The following MYO7B variants were observed in gnomAD, a reference collection of about 807,000 sequenced individuals.
MYO7B encodes unconventional myosin-VIIb.
MYO7B carries 212 observed loss-of-function variants against 259.7 expected under a neutral mutation model. That is an observed-to-expected ratio of 0.82 (90% CI 0.73 to 0.91). The LOEUF is 0.91. MYO7B is among the 40% of genes least tolerant of loss of function. The probability of loss-of-function intolerance (pLI) is 0.00; values close to 1 mark genes in which losing one functional copy is unlikely to be tolerated. For missense variants in MYO7B, 2,732 were observed against 2,813.5 expected, an observed-to-expected ratio of 0.97 and a Z score of 0.66; for synonymous variants, 1,197 against 1,166.4, an observed-to-expected ratio of 1.03 and a Z score of -0.54.
intron 19 of MYO7B, among the ~76,000 whole-genome samples, chr2:127,605,261 G>T (rs986938076): frequency 6.6e-6 from 1 of 152,152 alleles, no homozygotes; most frequent in Non-Finnish European, 1.5e-5. Flanking sequence ...TAGCTCTTTG[G>T]GGGTAGAGGG....
intron 16 of MYO7B, 113 bp from the exon 17 acceptor site, chr2:127,592,681 G>T (rs573318539): frequency 7.9e-6 from 11 of 1,397,426 alleles, no homozygotes; most frequent in Non-Finnish European, 1.1e-5. Context: ...GGGGCGGGGG[G>T]CTGGACACAC....
rs13422424 is a variant in MYO7B at position 127,624,233 on chromosome 2, C to T, written c.3960C>T (p.His1320=). The T allele has an allele frequency of 0.17, 271,859 of 1,595,164 alleles. 24,143 individuals carry two copies. Among genetic ancestry groups the T allele is most frequent in the Middle Eastern group, 0.27 (1,610 of 6,048 alleles). ...YFRKEFFTPW[H]DSREDPVSTE... is the part of the protein sequence containing the mutation. ...GGAAGGAATTCTTCACCCCCTGGCA[C>T]GACTCCCGGGAGGACCCTGTCAGCA... Residue 1320 remains histidine, a synonymous_variant, in exon 30 of 48, where the codon CAC becomes CAT. Transcript: ENST00000409816.
intron 1 of MYO7B, among the ~76,000 whole-genome samples, chr2:127,542,085 C>T (rs13399231): frequency 0.15 from 22,767 of 152,286 alleles, 2,939 homozygotes; most frequent in African/African-American, 0.34. Context: ...TCCAGGAGCA[C>T]TGCATCTCTA....
chr2:127,606,050 C>T, intron 20 of MYO7B, 122 bp downstream of exon 20: 2 of 754,902 alleles, frequency 2.6e-6, no homozygotes, highest in Non-Finnish European at 4.4e-6. Flanking sequence ...TCAAATCATT[C>T]ACAGACGTGG....
chr2:127,570,278 G>A (rs918345517), intron 6 of MYO7B, among the ~76,000 whole-genome samples: 1 of 152,198 alleles, frequency 6.6e-6, no homozygotes, highest in African/African-American at 2.4e-5. Context: ...GGTTTATTGA[G>A]GGGTAAACCT....
intron 1 of MYO7B, among the ~76,000 whole-genome samples, chr2:127,536,661 C>T (rs1051155820): frequency 6.6e-6 from 1 of 152,180 alleles, no homozygotes; most frequent in Non-Finnish European, 1.5e-5. Flanking sequence ...ACCCAGATCC[C>T]CCAAATTCTC....
chr2:127,629,853 G>C, intron 35 of MYO7B, 27 bp downstream of exon 35: 3 of 1,526,992 alleles, frequency 2.0e-6, no homozygotes, highest in Non-Finnish European at 2.6e-6. Context: ...CCTGTCCTCA[G>C]CCTGGGTACC....
At chr2:127,567,782 TC>T (rs1461614084) in intron 5 of MYO7B, among the ~76,000 whole-genome samples, 1 of 152,162 alleles carries the variant, frequency 6.6e-6, no homozygotes, top group East Asian at 1.9e-4. Context: ...CAGAATCCCT[TC>T]CTCAGGGAGC....
At chr2:127,536,822 C>G (rs1692799123) in intron 1 of MYO7B, among the ~76,000 whole-genome samples, 1 of 152,196 alleles carries the variant, frequency 6.6e-6, no homozygotes, top group African/African-American at 2.4e-5. Context: ...CTCAGCTCAT[C>G]AGCCCACCCC....
Position 127,597,726 on chromosome 2 carries a change from C to T in MYO7B, c.2339+1170C>T, listed in dbSNP as rs1049302407. ...CTTGGCTCACTGCAACCTCTGCTTTCCGGGCTCAAGCTATCCTCCCACCTC... is the reference window on the plus strand; with the variant it reads ...CTTGGCTCACTGCAACCTCTGCTTTTCGGGCTCAAGCTATCCTCCCACCTC... On this transcript the variant is annotated intron_variant, in intron 19 of 47. Transcript: ENST00000409816. The surrounding 1 kb of genome is among the most constrained non-coding windows in gnomAD (Gnocchi z 4.8). Among the ~76,000 whole-genome samples the T allele has an allele frequency of 2.6e-5, 4 of 152,008 alleles. No individual in the cohort carries two copies. Among genetic ancestry groups the T allele is most frequent in the Non-Finnish European group, 5.9e-5 (4 of 68,010 alleles).
intron 31 of MYO7B, 138 bp downstream of exon 31, chr2:127,625,673 TAAG>T (rs1466688856): frequency 1.3e-5 from 13 of 986,260 alleles, no homozygotes; most frequent in Non-Finnish European, 1.8e-5. Flanking sequence ...GCTTGACAGT[TAAG>T]TAGAGCCCTG....
In MYO7B at chr2:127,573,954, C is replaced by T. The variant is rs1207442908; in HGVS notation, c.627C>T (p.Asn209=). The T allele has an allele frequency of 6.2e-7, 1 of 1,614,080 alleles. No homozygotes were observed. Among genetic ancestry groups the T allele is most frequent in the Non-Finnish European group, 8.5e-7 (1 of 1,179,900 alleles). The change falls in exon 7 of 48, where the codon AAC becomes AAT. Residue 209 remains asparagine, a synonymous_variant. Transcript: ENST00000409816. ...ATGCCAAGACAATCCGCAACGACAACTCAAGCCGCTTTGGGAAGTACATTG... is the reference window on the plus strand; with the variant it reads ...ATGCCAAGACAATCCGCAACGACAATTCAAGCCGCTTTGGGAAGTACATTG... ...FGNAKTIRND[N]SSRFGKYIDI...
chr2:127,541,894 G>A (rs776697026), intron 1 of MYO7B, among the ~76,000 whole-genome samples: 8 of 152,240 alleles, frequency 5.3e-5, no homozygotes, highest in Admixed American at 2.6e-4. Context: ...CTGCCTTGCC[G>A]TCGCTGACTG....
intron 19 of MYO7B, among the ~76,000 whole-genome samples, chr2:127,605,305 C>T (rs1357570389): frequency 6.6e-6 from 1 of 152,194 alleles, no homozygotes; most frequent in Non-Finnish European, 1.5e-5. Context: ...CTTAAAAAAA[C>T]TGGACTGTTG....
chr2:127,606,240 C>T (rs1680153848), intron 20 of MYO7B, among the ~76,000 whole-genome samples: 1 of 152,238 alleles, frequency 6.6e-6, no homozygotes, highest in East Asian at 1.9e-4. Context: ...TTGCAGGCAA[C>T]AAATAAGCAA....
At position 127,581,800 on chromosome 2, in the gene MYO7B, C is replaced by T. The variant is rs143782859; in HGVS notation, c.1081-91C>T. ...TCCGGTGGGCATAGGTGCTTGGTCA[C>T]GAGAGGGAACAAGACTTGGCAGAAG... On this transcript the variant is annotated intron_variant, in intron 10 of 47. Coordinates refer to ENST00000409816, the MANE Select transcript of MYO7B (RefSeq NM_001393586.1). The T allele has an allele frequency of 2.5e-3, 3,847 of 1,562,862 alleles. 73 individuals carry two copies. In the African/African-American group the frequency reaches 0.043, roughly 17 times the overall value.
chr2:127,622,048 C>A lies in MYO7B; in HGVS notation c.3592C>A (p.Arg1198Ser). 1 of 1,551,730 alleles carries A rather than the reference C, an allele frequency of 6.4e-7. No homozygotes were observed. Among genetic ancestry groups the A allele is most frequent in the Non-Finnish European group, 8.7e-7 (1 of 1,146,984 alleles). ...YGPFCAERLR[R>S]TYANGVRAEP... ...CCCCTTCTGTGCCGAGCGCCTGAGA[C>A]GCACCTATGCCAATGGGGTGCGTGC... Residue 1198 changes from arginine to serine, a missense_variant, in exon 28 of 48, where the codon CGC (arginine) becomes AGC (serine). Coordinates refer to ENST00000409816, the MANE Select transcript of MYO7B (RefSeq NM_001393586.1).
intron 40 of MYO7B, 24 bp from the exon 41 acceptor site, chr2:127,634,152 C>G (rs1681667417): frequency 6.4e-7 from 1 of 1,572,196 alleles, no homozygotes; most frequent in Non-Finnish European, 8.6e-7. Flanking sequence ...GGCCCCGGGC[C>G]TCACCAGCTG....
chr2:127,556,083 T>G (rs1211328938), intron 1 of MYO7B, among the ~76,000 whole-genome samples: 1 of 152,214 alleles, frequency 6.6e-6, no homozygotes, highest in Admixed American at 6.5e-5. Context: ...AGCTCCAGTG[T>G]TAGGTGCATG....
Sources: allele counts gnomAD v4.1 joint callset (sites outside exome capture counted in the v4.1 genomes callset), GRCh38; gene constraint gnomAD v4.1.1; non-coding constraint Gnocchi (gnomAD v3.1); transcripts MANE v1.5; gene names NCBI Gene and HGNC (gene_info 2026-07-23, HGNC 2026-07-21).